DNM2: variants seen among roughly 807,000 people sequenced by gnomAD.
DNM2 encodes the protein dynamin-2.
A neutral mutation model predicts 99.0 loss-of-function variants in DNM2; 15 were observed. The observed-to-expected ratio is 0.15, with a 90% CI of 0.10 to 0.23. DNM2 has a LOEUF of 0.23. Ranked by LOEUF, DNM2 falls within the 10% of genes least tolerant of loss-of-function variation. The probability of loss-of-function intolerance (pLI) is 1.00; values close to 1 mark genes in which losing one functional copy is unlikely to be tolerated. For synonymous variants in DNM2, 525 were observed against 481.2 expected (o/e 1.09, Z -1.19); for missense variants, 742 against 1,189.4 (o/e 0.62, Z 5.53).
chr19:10,743,844 G>A (rs1256051726), intron 1 of DNM2, among the ~76,000 whole-genome samples: 3 of 145,452 alleles, frequency 2.1e-5, no homozygotes, highest in Admixed American at 6.9e-5. Flanking sequence ...AAAATTAGCC[G>A]TGTGTGGTGG....
At chr19:10,741,716 A>AT (rs1382387897) in intron 1 of DNM2, among the ~76,000 whole-genome samples, 18 of 151,124 alleles carry the variant, frequency 1.2e-4, no homozygotes, top group Non-Finnish European at 1.5e-4. Flanking sequence ...TGCCCGGCTA[A>AT]TTTTTTTTGT....
At chr19:10,779,478 CTTTCTTTCTTTCTTTCTTTCTTTCTTTT>C (rs929868407) in intron 5 of DNM2, among the ~76,000 whole-genome samples, 5 of 68,400 alleles carry the variant, frequency 7.3e-5, no homozygotes, top group African/African-American at 2.7e-4. Context: ...AAGTTTTTTT[CTTTCTTTCTTTCTTTCTTTCTTTCTTTT>C]TTTTTTTTTT....
chr19:10,823,943 G>A (rs777849310), intron 17 of DNM2, 44 bp downstream of exon 17: 3 of 1,599,540 alleles, frequency 1.9e-6, no homozygotes, highest in East Asian at 4.5e-5. Context: ...CCCCCACCTG[G>A]GAGAGGAAGC....
intron 15 of DNM2, among the ~76,000 whole-genome samples, chr19:10,813,279 G>T (rs997297777): frequency 3.3e-5 from 5 of 152,224 alleles, no homozygotes; most frequent in Non-Finnish European, 7.3e-5. Flanking sequence ...TTCACTGCGA[G>T]TGAGGGGGCA....
At position 10,795,186 on chromosome 19, in the gene DNM2, G is replaced by A. The variant is rs1161862402; in HGVS notation, c.1129-186G>A. ...TCTGCCTGCCTTGGCCTCCCAAAGT[G>A]CTGAGATTACAGGTGTGAGCCACTG... On this transcript the variant is annotated intron_variant, in intron 8 of 20. Coordinates refer to ENST00000389253, the MANE Select transcript of DNM2 (RefSeq NM_001005361.3). This position sits in a 1 kb window ranked among gnomAD's most constrained non-coding sequence, Gnocchi z 4.2. Among the ~76,000 whole-genome samples, 1 of 152,180 alleles carries A rather than the reference G, an allele frequency of 6.6e-6. No homozygotes were observed. Among genetic ancestry groups the A allele is most frequent in the Non-Finnish European group, 1.5e-5 (1 of 68,040 alleles).
chr19:10,734,236 G>C (rs1020580094), intron 1 of DNM2, among the ~76,000 whole-genome samples: 17 of 151,404 alleles, frequency 1.1e-4, no homozygotes, highest in African/African-American at 7.3e-5. Flanking sequence ...CCAGCCACTC[G>C]GGAGGCTGAG....
intron 16 of DNM2, among the ~76,000 whole-genome samples, chr19:10,821,311 T>C (rs1235449775): frequency 6.6e-6 from 1 of 152,096 alleles, no homozygotes; most frequent in Non-Finnish European, 1.5e-5. Context: ...GACAATATTA[T>C]CTGATATATC....
chr19:10,766,243 G>C (rs79896178), intron 2 of DNM2, among the ~76,000 whole-genome samples: 1 of 152,206 alleles, frequency 6.6e-6, no homozygotes, highest in African/African-American at 2.4e-5. Context: ...TAGTGCCAGC[G>C]GGCACGTGAC....
In DNM2 at chr19:10,831,343, G is replaced by T; in HGVS notation, c.*296G>T. 1 of 1,180,546 alleles carries T rather than the reference G, an allele frequency of 8.5e-7. No individual in the cohort carries two copies. The highest frequency in any genetic ancestry group is 1.0e-6 in the Non-Finnish European group (1 of 953,348). 73.1% of individuals were successfully genotyped at this position (1,180,546 alleles called of 1,614,324 possible). The stretch of plus-strand genomic sequence containing the variant: ...ACCCTTGACACCATCCTGAATGAGG[G>T]GTCCAGCCTGGGGGGGACTCTACCA... On this transcript the variant is annotated 3_prime_UTR_variant, in exon 21 of 21. Transcript: ENST00000389253. This position sits in a 1 kb window ranked among gnomAD's most constrained non-coding sequence, Gnocchi z 4.3.
Position 10,812,134 on chromosome 19 carries a change from G to A in DNM2, c.1558-130G>A, listed in dbSNP as rs2072569635. 2.7e-6 allele frequency: 2 copies of A among 745,994 alleles called. No individual in the cohort carries two copies. The highest frequency in any genetic ancestry group is 4.5e-6 in the Non-Finnish European group (2 of 446,242). The allele number at this position is 745,994 out of a possible 1,614,324, so 46.2% of individuals were successfully genotyped here. ...GGGACAGGGTGGAACTGGGTTTCCT[G>A]GGCTTTGGGGCTGGAGGTGTCTCTA... On this transcript the variant is annotated intron_variant, in intron 14 of 20. Transcript: ENST00000389253. The surrounding 1 kb of genome is among the most constrained non-coding windows in gnomAD (Gnocchi z 4.0).
chr19:10,788,320 G>A (rs918584883), intron 7 of DNM2, among the ~76,000 whole-genome samples: 8 of 152,150 alleles, frequency 5.3e-5, no homozygotes, highest in African/African-American at 9.7e-5. Context: ...GATTAAGCCC[G>A]GCCAGTGCAA....
rs777224851 is a variant in DNM2 at position 10,795,396 on chromosome 19, C to A, written c.1153C>A (p.Arg385=). The change falls in exon 9 of 21, where the codon CGA becomes AGA. Residue 385 remains arginine (R), a synonymous_variant. Transcript: ENST00000389253. The surrounding 1 kb of genome is among the most constrained non-coding windows in gnomAD (Gnocchi z 4.2). ...VKMEFDEKDL[R]REISYAIKNI... is the part of the protein sequence containing the mutation. ...GATGGAGTTTGACGAGAAGGACTTA[C>A]GACGGGAGATCAGCTATGCCATTAA... 5 of 1,614,092 alleles carry A rather than the reference C, an allele frequency of 3.1e-6. No individual in the cohort carries two copies. The South Asian group carries it at 3.3e-5, about 11-fold the overall frequency.
Position 10,808,593 on chromosome 19 carries a change from T to G in DNM2, c.1557+13T>G, listed in dbSNP as rs750052252. 6.2e-7 allele frequency: 1 copy of G among 1,611,968 alleles called. No individual in the cohort carries two copies. Among genetic ancestry groups the G allele is most frequent in the South Asian group, 1.1e-5 (1 of 90,402 alleles). ...GGGGGAGATCCTGGTAAGTACATGC[T>G]TAGTGTGGTAGCAAACATTAGAGAA... is the stretch of plus-strand genomic sequence containing the variant. On this transcript the variant is annotated intron_variant, in intron 14 of 20. Transcript: ENST00000389253.
At chr19:10,724,206 C>T (rs1022260861) in intron 1 of DNM2, among the ~76,000 whole-genome samples, 6 of 152,030 alleles carry the variant, frequency 3.9e-5, no homozygotes, top group Admixed American at 6.6e-5. Flanking sequence ...GAGACGGAGT[C>T]TCACTCTGTC....
intron 13 of DNM2, 146 bp downstream of exon 13, chr19:10,806,113 C>G (rs1377648626): frequency 8.0e-6 from 8 of 1,005,728 alleles, no homozygotes; most frequent in Non-Finnish European, 1.0e-5. Context: ...CTAGAGGCCA[C>G]TTAGGAATTG....
At chr19:10,790,649 TAA>T (rs1401050158) in intron 7 of DNM2, among the ~76,000 whole-genome samples, 4 of 152,262 alleles carry the variant, frequency 2.6e-5, no homozygotes, top group Non-Finnish European at 5.9e-5. Flanking sequence ...GTATTTTTAG[TAA>T]AGACAGGGGT....
At position 10,830,444 on chromosome 19, in the gene DNM2, T is replaced by G. The variant is rs2146211004; in HGVS notation, c.2543+66T>G. 6.5e-7 allele frequency: 1 copy of G among 1,540,600 alleles called. No individual in the cohort carries two copies. Among genetic ancestry groups the G allele is most frequent in the African/African-American group, 1.4e-5 (1 of 73,854 alleles). ...CCTGGGGTCTCTCCTCCTGTCTCACTTCCTCCCAGTGAGCTCTCACTACGT... is the reference window on the plus strand; with the variant it reads ...CCTGGGGTCTCTCCTCCTGTCTCACGTCCTCCCAGTGAGCTCTCACTACGT... On this transcript the variant is annotated intron_variant, in intron 20 of 20. Coordinates refer to ENST00000389253, the MANE Select transcript of DNM2 (RefSeq NM_001005361.3). The surrounding 1 kb of genome is among the most constrained non-coding windows in gnomAD (Gnocchi z 4.8).
At chr19:10,719,714 G>T (rs1476075007) in intron 1 of DNM2, among the ~76,000 whole-genome samples, 1 of 152,138 alleles carries the variant, frequency 6.6e-6, no homozygotes, top group Non-Finnish European at 1.5e-5. Flanking sequence ...TATTGTCATT[G>T]TTATTGTTGT....
intron 1 of DNM2, among the ~76,000 whole-genome samples, chr19:10,728,920 C>T (rs1036502539): frequency 1.3e-5 from 2 of 150,466 alleles, no homozygotes; most frequent in Non-Finnish European, 3.0e-5. Context: ...GCGCTCCAGC[C>T]TGGGTGACAG....
Sources: gnomAD v4.1 joint callset for allele counts (sites outside exome capture counted in the v4.1 genomes callset) on GRCh38, gnomAD v4.1.1 for gene constraint, Gnocchi (gnomAD v3.1) non-coding constraint, MANE v1.5 for transcripts, NCBI Gene and HGNC (gene_info 2026-07-23, HGNC 2026-07-21) for gene names.